PBX1: variants seen among roughly 807,000 people sequenced by gnomAD.
PBX1 encodes PBX homeobox 1, also known as pre-B-cell leukemia transcription factor 1.
Under a neutral mutation model 53.4 loss-of-function variants are expected in PBX1, and 6 were observed. The ratio of observed to expected loss-of-function variants is 0.11; its 90% CI spans 0.06 to 0.22. The LOEUF (loss-of-function observed/expected upper bound fraction) is 0.22. PBX1 is among the 10% of genes least tolerant of loss of function. The probability of loss-of-function intolerance (pLI) is 1.00; values close to 1 mark genes in which losing one functional copy is unlikely to be tolerated. For missense variants in PBX1, 251 were observed against 551.4 expected, an observed-to-expected ratio of 0.46 and a Z score of 5.46; for synonymous variants, 204 against 212.3, an observed-to-expected ratio of 0.96 and a Z score of 0.34.
intron 2 of PBX1, among the ~76,000 whole-genome samples, chr1:164,736,541 T>C (rs1665298723): frequency 6.6e-6 from 1 of 152,136 alleles, no homozygotes; most frequent in South Asian, 2.1e-4. Context: ...TCCTCTGTTA[T>C]TTGAATAAAG....
At chr1:164,629,970 G>A (rs1658305290) in intron 2 of PBX1, among the ~76,000 whole-genome samples, 1 of 152,148 alleles carries the variant, frequency 6.6e-6, no homozygotes, top group South Asian at 2.1e-4. Flanking sequence ...GAAAGACAGT[G>A]CGAATGAGTA....
intron 8 of PBX1, among the ~76,000 whole-genome samples, chr1:164,826,282 T>C (rs1331263812): frequency 6.9e-6 from 1 of 144,330 alleles, no homozygotes; most frequent in Non-Finnish European, 1.5e-5. Context: ...TCAAATTATA[T>C]CTTGAAACCC....
At chr1:164,879,157 G>A (rs1008263506) in intron 2 of PBX1, among the ~76,000 whole-genome samples, 1 of 152,194 alleles carries the variant, frequency 6.6e-6, no homozygotes, top group Non-Finnish European at 1.5e-5. Context: ...ATAGTAATTG[G>A]TATTCACTAA....
intron 6 of PBX1, chr1:164,816,925 C>T (rs1009939057): frequency 1.3e-5 from 2 of 151,894 alleles, no homozygotes; most frequent in African/African-American, 4.8e-5. Flanking sequence ...TTTTCTGGAA[C>T]TTGTCTGATG....
At position 164,847,956 on chromosome 1, in the gene PBX1, C is replaced by G; in HGVS notation, c.*1280C>G. Reference sequence around the variant, plus strand: ...CAGTACTTACAATGTCTTTAATGGACTTGATTCTGTTTAATTTTTTGTTTT... The same window carrying G: ...CAGTACTTACAATGTCTTTAATGGAGTTGATTCTGTTTAATTTTTTGTTTT... On this transcript the variant is annotated 3_prime_UTR_variant, in exon 9 of 9. Transcript: ENST00000420696. 1 of 1,052,122 alleles carries G rather than the reference C, an allele frequency of 9.5e-7. No individual in the cohort carries two copies. The highest frequency in any genetic ancestry group is 1.1e-6 in the Non-Finnish European group (1 of 870,998). 65.2% of individuals were successfully genotyped at this position (1,052,122 alleles called of 1,614,324 possible).
intron 2 of PBX1, among the ~76,000 whole-genome samples, chr1:164,791,330 C>T (rs2102299352): frequency 6.6e-6 from 1 of 152,296 alleles, no homozygotes; most frequent in African/African-American, 2.4e-5. Flanking sequence ...TAAAGATCAG[C>T]CATCTCATTG....
At chr1:164,631,113 G>C (rs905089607) in intron 2 of PBX1, 1 of 152,116 alleles carries the variant, frequency 6.6e-6, no homozygotes, top group African/African-American at 2.4e-5. Context: ...TCTTTTTCTT[G>C]CAGGTTAGTG....
At chr1:164,681,363 A>G (rs988943056) in intron 2 of PBX1, among the ~76,000 whole-genome samples, 1 of 152,226 alleles carries the variant, frequency 6.6e-6, no homozygotes, top group African/African-American at 2.4e-5. Flanking sequence ...GTATATACAT[A>G]TTCATATGTA....
intron 2 of PBX1, among the ~76,000 whole-genome samples, chr1:164,691,895 A>G (rs914698663): frequency 6.6e-6 from 1 of 152,224 alleles, no homozygotes; most frequent in Non-Finnish European, 1.5e-5. Flanking sequence ...TACACAGTCA[A>G]AGCATAGTCA....
Position 164,851,367 on chromosome 1 carries a change from G to C in PBX1, c.*4691G>C, listed in dbSNP as rs1402202801. 2 of 205,066 alleles carry C rather than the reference G, an allele frequency of 9.8e-6. No individual in the cohort carries two copies. Among genetic ancestry groups the C allele is most frequent in the Non-Finnish European group, 2.0e-5 (2 of 100,260 alleles). The allele number at this position is 205,066 out of a possible 1,614,324, so 12.7% of individuals were successfully genotyped here. The stretch of plus-strand genomic sequence containing the variant: ...AGGAAATATTTCTACCTGAACACTT[G>C]TACTCTTGAAGTCACAACAAAATAA... On this transcript the variant is annotated 3_prime_UTR_variant, in exon 9 of 9. Coordinates refer to ENST00000420696, the MANE Select transcript of PBX1 (RefSeq NM_002585.4).
intron 2 of PBX1, among the ~76,000 whole-genome samples, chr1:164,881,151 C>T (rs188013101): frequency 5.9e-5 from 9 of 152,260 alleles, no homozygotes; most frequent in African/African-American, 1.7e-4. Flanking sequence ...CTAATCCTCC[C>T]GGGAGTCTGG....
At chr1:164,806,820 G>A (rs1028859001) in intron 4 of PBX1, among the ~76,000 whole-genome samples, 8 of 151,958 alleles carry the variant, frequency 5.3e-5, no homozygotes, top group African/African-American at 1.7e-4. Context: ...CAGCTGCCAC[G>A]TGTTGGGCGC....
chr1:164,634,139 C>CTTT (rs1367036326), intron 2 of PBX1, among the ~76,000 whole-genome samples: 1 of 152,196 alleles, frequency 6.6e-6, no homozygotes, highest in Non-Finnish European at 1.5e-5. Flanking sequence ...CAGTGTAAGG[C>CTTT]TTTTCCTTCT....
intron 2 of PBX1, among the ~76,000 whole-genome samples, chr1:164,614,470 C>T (rs1657137903): frequency 6.6e-6 from 1 of 152,042 alleles, no homozygotes; most frequent in Non-Finnish European, 1.5e-5. Context: ...CTCTTTTGTT[C>T]TCTGCAGCTG....
intron 2 of PBX1, among the ~76,000 whole-genome samples, chr1:164,863,670 G>A (rs1224114906): frequency 6.6e-6 from 1 of 152,216 alleles, no homozygotes; most frequent in Non-Finnish European, 1.5e-5. Context: ...TGACAAATTA[G>A]TTAAATATGG....
intron 2 of PBX1, among the ~76,000 whole-genome samples, chr1:164,711,057 C>T (rs184035403): frequency 1.3e-5 from 2 of 152,078 alleles, no homozygotes; most frequent in African/African-American, 2.4e-5. Context: ...TGCTGTCAAC[C>T]CTTTCTCTTT....
chr1:164,762,562 T>C (rs1467620787), intron 2 of PBX1, among the ~76,000 whole-genome samples: 1 of 152,230 alleles, frequency 6.6e-6, no homozygotes, highest in Non-Finnish European at 1.5e-5. Context: ...TAATTAGTTA[T>C]CTGGGTCTGC....
chr1:164,731,110 C>T (rs936998882), intron 2 of PBX1, among the ~76,000 whole-genome samples: 1 of 152,142 alleles, frequency 6.6e-6, no homozygotes, highest in Non-Finnish European at 1.5e-5. Flanking sequence ...TGCATGTGCA[C>T]ACTTGTATCT....
chr1:164,877,133 G>A (rs1672532268), intron 2 of PBX1, among the ~76,000 whole-genome samples: 1 of 150,788 alleles, frequency 6.6e-6, no homozygotes, highest in Non-Finnish European at 1.5e-5. Context: ...TGGAAACACT[G>A]AATTTTGTCA....
Sources: allele counts gnomAD v4.1 joint callset (sites outside exome capture counted in the v4.1 genomes callset), GRCh38; gene constraint gnomAD v4.1.1; transcripts MANE v1.5; gene names NCBI Gene and HGNC (gene_info 2026-07-23, HGNC 2026-07-21).